Variants in CACNB2 observed in about 807,000 individuals in gnomAD.
The protein encoded by CACNB2 is voltage-dependent L-type calcium channel subunit beta-2.
In CACNB2, 42 loss-of-function variants were observed where a neutral mutation model predicts 73.3. That is an observed-to-expected ratio of 0.57 (90% CI 0.45 to 0.74). The LOEUF (loss-of-function observed/expected upper bound fraction) is 0.74. CACNB2 is among the 30% of genes least tolerant of loss of function. The pLI is 0.00. For missense variants in CACNB2, 940 were observed against 853.0 expected (o/e 1.10, Z -1.27); for synonymous variants, 348 against 310.3 (o/e 1.12, Z -1.28).
At chr10:18,304,271 T>C (rs1212952593) in intron 2 of CACNB2, among the ~76,000 whole-genome samples, 1 of 152,166 alleles carries the variant, frequency 6.6e-6, no homozygotes, top group Non-Finnish European at 1.5e-5. Context: ...AGTGTTTTCA[T>C]ACGTAGAATT....
intron 2 of CACNB2, among the ~76,000 whole-genome samples, chr10:18,342,128 T>G: frequency 6.6e-6 from 1 of 152,218 alleles, no homozygotes; most frequent in African/African-American, 2.4e-5. Flanking sequence ...TCCTGTAAAC[T>G]TGCTTGCTTT....
chr10:18,314,991 C>G (rs1264656262), intron 2 of CACNB2, among the ~76,000 whole-genome samples: 2 of 152,056 alleles, frequency 1.3e-5, no homozygotes, highest in Non-Finnish European at 2.9e-5. Flanking sequence ...CTAACTCTAA[C>G]CTAGTAAGTT....
chr10:18,316,264 A>G (rs752806354), intron 2 of CACNB2, among the ~76,000 whole-genome samples: 1 of 152,098 alleles, frequency 6.6e-6, no homozygotes, highest in South Asian at 2.1e-4. Flanking sequence ...TACTTATTCA[A>G]TTCCCTAGTT....
chr10:18,333,590 G>C (rs980189426), intron 2 of CACNB2, among the ~76,000 whole-genome samples: 1 of 152,130 alleles, frequency 6.6e-6, no homozygotes, highest in African/African-American at 2.4e-5. Flanking sequence ...TGTGTTGGCT[G>C]TTATTTACCA....
intron 3 of CACNB2, among the ~76,000 whole-genome samples, chr10:18,409,864 T>G (rs1362369871): frequency 1.3e-5 from 2 of 152,098 alleles, no homozygotes; most frequent in East Asian, 3.9e-4. Flanking sequence ...AGGATGGAGA[T>G]CTTATAATTA....
chr10:18,413,240 G>A (rs1173603069), intron 3 of CACNB2, among the ~76,000 whole-genome samples: 2 of 152,178 alleles, frequency 1.3e-5, no homozygotes, highest in African/African-American at 2.4e-5. Context: ...CCAAAGTGCT[G>A]GGATTACGGG....
intron 9 of CACNB2, among the ~76,000 whole-genome samples, chr10:18,526,933 T>C (rs2052528647): frequency 6.6e-6 from 1 of 152,152 alleles, no homozygotes; most frequent in African/African-American, 2.4e-5. Flanking sequence ...TACCCTTGGA[T>C]AAAAAATCTC....
Position 18,539,308 on chromosome 10 carries a change from G to C in CACNB2, c.1567G>C (p.Glu523Gln), listed in dbSNP as rs768301427. 1 of 1,613,832 alleles carries C rather than the reference G, an allele frequency of 6.2e-7. No individual in the cohort carries two copies. The highest frequency in any genetic ancestry group is 2.2e-5 in the East Asian group (1 of 44,848). ...ASQAEEEPSV[E>Q]PVKKSQHRSS... ...CCAAGCTGAAGAAGAACCTAGTGTG[G>C]AACCAGTCAAGAAATCCCAGCACCG... Residue 523 changes from glutamate (E) to glutamine (Q), a missense_variant, in exon 14 of 14, where the codon GAA becomes CAA. Physicochemically the swap from Glu to Gln is conservative, Grantham distance 29. Coordinates refer to ENST00000324631, the MANE Select transcript of CACNB2 (RefSeq NM_201596.3).
At chr10:18,300,687 A>G (rs1388772034) in intron 2 of CACNB2, among the ~76,000 whole-genome samples, 1 of 152,132 alleles carries the variant, frequency 6.6e-6, no homozygotes, top group East Asian at 1.9e-4. Flanking sequence ...CATCTCTACT[A>G]AAAATACAAA....
At chr10:18,481,192 C>CCATATATATATA (rs1228539443) in intron 3 of CACNB2, among the ~76,000 whole-genome samples, 6 of 36,704 alleles carry the variant, frequency 1.6e-4, no homozygotes, top group Admixed American at 1.2e-3. Flanking sequence ...TACATCTTCG[C>CCATATATATATA]TATATATATA....
intron 2 of CACNB2, among the ~76,000 whole-genome samples, chr10:18,318,334 A>G (rs1230512997): frequency 6.6e-6 from 1 of 152,198 alleles, no homozygotes; most frequent in Non-Finnish European, 1.5e-5. Flanking sequence ...GTCTACAACC[A>G]TCTGATCTTC....
At chr10:18,157,252 G>C (rs982521556) in intron 2 of CACNB2, among the ~76,000 whole-genome samples, 1 of 152,208 alleles carries the variant, frequency 6.6e-6, no homozygotes, top group Non-Finnish European at 1.5e-5. Context: ...TCTTCAAGAA[G>C]CTGGTTAGTG....
Position 18,231,203 on chromosome 10 carries a change from G to A in CACNB2, c.213+80228G>A, listed in dbSNP as rs182816887. On this transcript the variant is annotated intron_variant, in intron 2 of 13. Coordinates refer to ENST00000324631, the MANE Select transcript of CACNB2 (RefSeq NM_201596.3). ...TCTTCTTCTTCTTTTTTGAGACAGC[G>A]TTTTGCTCTGTTGCCCAGGCTAGAG... is the stretch of plus-strand genomic sequence containing the variant. 4.2e-4 allele frequency among the ~76,000 whole-genome samples: 64 copies of A among 152,212 alleles called. 1 individual carries two copies. Among genetic ancestry groups the A allele is most frequent in the African/African-American group, 1.2e-3 (50 of 41,538 alleles).
At chr10:18,255,866 G>C (rs1296633863) in intron 2 of CACNB2, among the ~76,000 whole-genome samples, 1 of 152,128 alleles carries the variant, frequency 6.6e-6, no homozygotes, top group East Asian at 1.9e-4. Context: ...CTTCAGTTCT[G>C]CTACAGAAGG....
At chr10:18,197,808 C>T (rs1362219294) in intron 2 of CACNB2, among the ~76,000 whole-genome samples, 1 of 151,752 alleles carries the variant, frequency 6.6e-6, no homozygotes, top group Non-Finnish European at 1.5e-5. Flanking sequence ...CGTGAGGCCT[C>T]TTATGAAGGA....
intron 2 of CACNB2, among the ~76,000 whole-genome samples, chr10:18,167,240 G>C (rs1167411504): frequency 6.6e-6 from 1 of 152,160 alleles, no homozygotes; most frequent in Non-Finnish European, 1.5e-5. Context: ...GTGGGTGGGA[G>C]CTAAACAATG....
At chr10:18,500,970 T>C (rs1400628544) in intron 5 of CACNB2, 22 bp downstream of exon 5, 1 of 1,611,868 alleles carries the variant, frequency 6.2e-7, no homozygotes. Flanking sequence ...ATGTCAAGTG[T>C]TTGCATAAAA....
chr10:18,289,284 G>GTTTTTTTTTTTTTCTTTT (rs1489491866), intron 2 of CACNB2, among the ~76,000 whole-genome samples: 1 of 85,566 alleles, frequency 1.2e-5, no homozygotes, highest in Non-Finnish European at 2.2e-5. Flanking sequence ...TTTTTTTCTT[G>GTTTTTTTTTTTTTCTTTT]TTTTTTTGTT....
chr10:18,286,163 G>T (rs1336329729), intron 2 of CACNB2, among the ~76,000 whole-genome samples: 2 of 152,204 alleles, frequency 1.3e-5, no homozygotes, highest in East Asian at 3.9e-4. Flanking sequence ...TTTTAAACAT[G>T]CAGCAAAGTT....
Sources: gnomAD v4.1 joint callset for allele counts (sites outside exome capture counted in the v4.1 genomes callset) on GRCh38, gnomAD v4.1.1 for gene constraint, MANE v1.5 for transcripts, NCBI Gene and HGNC (gene_info 2026-07-23, HGNC 2026-07-21) for gene names.